The following CDIN1 variants were observed in gnomAD, a reference collection of about 807,000 sequenced individuals.
The protein encoded by CDIN1 is CDAN1 interacting nuclease 1.
A neutral mutation model predicts 45.3 loss-of-function variants in CDIN1; 33 were observed. The observed-to-expected ratio is 0.73, with a 90% CI of 0.55 to 0.97. The LOEUF (loss-of-function observed/expected upper bound fraction) is 0.97. Ranked by LOEUF, CDIN1 falls within the 50% of genes least tolerant of loss-of-function variation. The probability of loss-of-function intolerance (pLI) is 0.00; values close to 1 mark genes in which losing one functional copy is unlikely to be tolerated. For missense variants in CDIN1, 303 were observed against 339.4 expected (o/e 0.89, Z 0.84); for synonymous variants, 118 against 124.4 (o/e 0.95, Z 0.34).
intron 10 of CDIN1, among the ~76,000 whole-genome samples, chr15:36,736,976 G>A (rs938403336): frequency 1.3e-5 from 2 of 152,052 alleles, no homozygotes; most frequent in Non-Finnish European, 2.9e-5. Flanking sequence ...AGACCAGCCT[G>A]GCCAACGTGG....
At chr15:36,675,763 A>G (rs1247219772) in intron 5 of CDIN1, among the ~76,000 whole-genome samples, 1 of 152,148 alleles carries the variant, frequency 6.6e-6, no homozygotes, top group Admixed American at 6.6e-5. Flanking sequence ...TGTTCATTTA[A>G]ATGAATAGCT....
At chr15:36,712,033 A>G (rs921290106) in intron 10 of CDIN1, among the ~76,000 whole-genome samples, 3 of 152,296 alleles carry the variant, frequency 2.0e-5, no homozygotes, top group Non-Finnish European at 2.9e-5. Flanking sequence ...GTTCTTCAGC[A>G]TATAACTTTA....
chr15:36,742,407 C>T (rs998791355), intron 10 of CDIN1, among the ~76,000 whole-genome samples: 2 of 152,032 alleles, frequency 1.3e-5, no homozygotes, highest in Non-Finnish European at 2.9e-5. Flanking sequence ...TTTGTTTTCT[C>T]TTTAGTGTTT....
intron 10 of CDIN1, among the ~76,000 whole-genome samples, chr15:36,762,663 G>A (rs1342574466): frequency 1.3e-5 from 2 of 149,652 alleles, no homozygotes; most frequent in Non-Finnish European, 3.0e-5. Context: ...CCCACGACAG[G>A]CCCCGGTGTG....
intron 1 of CDIN1, chr15:36,618,157 T>C (rs1429398761): frequency 7.1e-6 from 5 of 707,648 alleles, no homozygotes; most frequent in Admixed American, 6.1e-5. Context: ...CAGGATCTTA[T>C]AAAAGACATG....
At chr15:36,717,680 A>G (rs1183350086) in intron 10 of CDIN1, among the ~76,000 whole-genome samples, 1 of 152,110 alleles carries the variant, frequency 6.6e-6, no homozygotes, top group Non-Finnish European at 1.5e-5. Context: ...ATGTAATGTA[A>G]TCATTTCATA....
chr15:36,581,276 T>TA (rs2037029292), intron 1 of CDIN1, among the ~76,000 whole-genome samples: 1 of 152,230 alleles, frequency 6.6e-6, no homozygotes, highest in Non-Finnish European at 1.5e-5. Context: ...TCTCACTATG[T>TA]ATGCAATCAC....
chr15:36,671,212 G>T (rs1197622957), intron 5 of CDIN1, among the ~76,000 whole-genome samples: 2 of 152,124 alleles, frequency 1.3e-5, no homozygotes, highest in African/African-American at 2.4e-5. Flanking sequence ...CTGTCCTTGG[G>T]GATGAAGGAA....
At chr15:36,782,277 G>A (rs1242893645) in intron 10 of CDIN1, among the ~76,000 whole-genome samples, 1 of 152,126 alleles carries the variant, frequency 6.6e-6, no homozygotes, top group East Asian at 1.9e-4. Flanking sequence ...ACAAGGAGGA[G>A]ATGTGGCTGC....
intron 10 of CDIN1, among the ~76,000 whole-genome samples, chr15:36,791,834 C>A (rs575655943): frequency 6.6e-6 from 1 of 152,250 alleles, no homozygotes; most frequent in Admixed American, 6.5e-5. Context: ...TTTTACTAGG[C>A]TGACAGGGAC....
intron 5 of CDIN1, among the ~76,000 whole-genome samples, chr15:36,668,575 A>G (rs559989000): frequency 6.6e-6 from 1 of 152,260 alleles, no homozygotes; most frequent in East Asian, 1.9e-4. Context: ...AACGAGTGGG[A>G]GAATCTGTGT....
At chr15:36,639,786 G>A (rs1208710903) in intron 1 of CDIN1, among the ~76,000 whole-genome samples, 4 of 152,050 alleles carry the variant, frequency 2.6e-5, no homozygotes, top group Admixed American at 1.3e-4. Flanking sequence ...ATGAGGGTCC[G>A]GAAACCAGTC....
intron 1 of CDIN1, chr15:36,594,854 A>G (rs1295341301): frequency 1.0e-6 from 1 of 982,894 alleles, no homozygotes; most frequent in Non-Finnish European, 1.2e-6. Context: ...GCTTATTTAT[A>G]GCAAGTTGTT....
At chr15:36,602,243 T>C (rs1331617923) in intron 1 of CDIN1, among the ~76,000 whole-genome samples, 2 of 152,250 alleles carry the variant, frequency 1.3e-5, no homozygotes, top group African/African-American at 4.8e-5. Context: ...TCTTCTAATG[T>C]CCTCCAATAA....
chr15:36,714,167 T>C (rs746304729), intron 10 of CDIN1, among the ~76,000 whole-genome samples: 21 of 152,190 alleles, frequency 1.4e-4, no homozygotes, highest in African/African-American at 1.9e-4. Context: ...TGAAAAACTT[T>C]TACGCACTTT....
intron 1 of CDIN1, among the ~76,000 whole-genome samples, chr15:36,585,392 A>G (rs955943574): frequency 6.6e-6 from 1 of 152,144 alleles, no homozygotes; most frequent in African/African-American, 2.4e-5. Context: ...GTCATTTCCA[A>G]TCTGTGACAG....
intron 1 of CDIN1, among the ~76,000 whole-genome samples, chr15:36,613,252 A>G (rs1168656662): frequency 6.6e-6 from 1 of 152,152 alleles, no homozygotes; most frequent in Non-Finnish European, 1.5e-5. Flanking sequence ...GCGGGTGTGG[A>G]TGTTAGGGAA....
intron 5 of CDIN1, among the ~76,000 whole-genome samples, chr15:36,685,774 G>C (rs1188425501): frequency 1.3e-5 from 2 of 152,128 alleles, no homozygotes; most frequent in African/African-American, 4.8e-5. Context: ...CTTCTCAAAA[G>C]AAGACATCTA....
intron 1 of CDIN1, among the ~76,000 whole-genome samples, chr15:36,634,778 G>A (rs754111494): frequency 4.6e-5 from 7 of 152,002 alleles, no homozygotes; most frequent in African/African-American, 7.3e-5. Flanking sequence ...AGTTCCTTTC[G>A]CCTTTTTTCC....
Sources: allele counts gnomAD v4.1 joint callset (sites outside exome capture counted in the v4.1 genomes callset), GRCh38; gene constraint gnomAD v4.1.1; transcripts MANE v1.5; gene names NCBI Gene and HGNC (gene_info 2026-07-23, HGNC 2026-07-21).